ZBTB8A: variants seen among roughly 807,000 people sequenced by gnomAD.
The protein encoded by ZBTB8A is zinc finger and BTB domain containing 8A, also known as zinc finger and BTB domain-containing protein 8A.
A neutral mutation model predicts 37.8 loss-of-function variants in ZBTB8A; 19 were observed. The ratio of observed to expected loss-of-function variants is 0.50; its 90% CI spans 0.35 to 0.74. ZBTB8A has a LOEUF of 0.74. Ranked by LOEUF, ZBTB8A falls within the 30% of genes least tolerant of loss-of-function variation. The pLI, the probability that ZBTB8A is intolerant of heterozygous loss-of-function variation, is 0.01. For missense variants in ZBTB8A, 394 were observed against 537.8 expected, an observed-to-expected ratio of 0.73 and a Z score of 2.65; for synonymous variants, 181 against 185.2, an observed-to-expected ratio of 0.98 and a Z score of 0.19.
intron 1 of ZBTB8A, among the ~76,000 whole-genome samples, chr1:32,550,162 A>C (rs1644140188): frequency 6.6e-6 from 1 of 151,970 alleles, no homozygotes; most frequent in South Asian, 2.1e-4. Flanking sequence ...GTTCAAGACC[A>C]GCCTGGGCAA....
intron 2 of ZBTB8A, among the ~76,000 whole-genome samples, chr1:32,574,059 A>G (rs1337278470): frequency 6.6e-6 from 1 of 151,926 alleles, no homozygotes; most frequent in African/African-American, 2.4e-5. Context: ...CTGGGCAACA[A>G]GAGCGAAAAC....
intron 4 of ZBTB8A, among the ~76,000 whole-genome samples, chr1:32,599,114 A>G (rs752882429): frequency 6.6e-5 from 10 of 152,148 alleles, no homozygotes; most frequent in Non-Finnish European, 1.3e-4. Flanking sequence ...TAAAATATTA[A>G]TAAATTTAAA....
intron 2 of ZBTB8A, among the ~76,000 whole-genome samples, chr1:32,563,922 G>GAGACAAAACATTAAA (rs1644261879): frequency 2.0e-5 from 3 of 152,068 alleles, no homozygotes; most frequent in Non-Finnish European, 4.4e-5. Context: ...AAGAGGATGG[G>GAGACAAAACATTAAA]GAGTACATCT....
intron 2 of ZBTB8A, among the ~76,000 whole-genome samples, chr1:32,592,492 T>C (rs1407237987): frequency 6.6e-6 from 1 of 151,394 alleles, no homozygotes; most frequent in Non-Finnish European, 1.5e-5. Context: ...GTGAGCTTTT[T>C]TTGTTTGTTT....
chr1:32,555,645 A>G lies in ZBTB8A; in HGVS notation c.-2+2105A>G, dbSNP rs540934086. 2.0e-5 allele frequency among the ~76,000 whole-genome samples: 3 copies of G among 152,086 alleles called. No homozygotes were observed. In the South Asian group the frequency reaches 6.2e-4, roughly 31 times the overall value. On this transcript the variant is annotated intron_variant, in intron 2 of 4. Transcript: ENST00000373510. ...ATCCTCCAGGTTCCCCTCTCAGCCC[A>G]TGCTTCCTCTGAGCCCCTTCATTTC...
chr1:32,592,147 A>T (rs1644495028), intron 2 of ZBTB8A, among the ~76,000 whole-genome samples: 1 of 152,090 alleles, frequency 6.6e-6, no homozygotes, highest in African/African-American at 2.4e-5. Context: ...GGCTGATAAC[A>T]GTCTAGTATT....
intron 2 of ZBTB8A, among the ~76,000 whole-genome samples, chr1:32,562,238 G>A (rs1429921210): frequency 6.6e-6 from 1 of 151,266 alleles, no homozygotes; most frequent in African/African-American, 2.4e-5. Flanking sequence ...GTATAGGCAT[G>A]AGCCACCCTG....
At position 32,553,873 on chromosome 1, in the gene ZBTB8A, C is replaced by G. The variant is rs374289031; in HGVS notation, c.-2+333C>G. ...TGCACTCCAGCCTGGGCAACAAGAG[C>G]GAAACTCTGTCTCAAAAAAAAAAAA... On this transcript the variant is annotated intron_variant, in intron 2 of 4. Coordinates refer to ENST00000373510, the MANE Select transcript of ZBTB8A (RefSeq NM_001040441.3). Among the ~76,000 whole-genome samples, 17 of 94,528 alleles carry G rather than the reference C, an allele frequency of 1.8e-4. No individual in the cohort carries two copies. In the East Asian group the frequency reaches 3.8e-3, roughly 21 times the overall value. The allele number at this position is 94,528 out of a possible 152,430, so 62.0% of individuals were successfully genotyped here. A position where few individuals can be genotyped will look rare whatever the true frequency, so the allele number is the denominator to read the frequency against.
At chr1:32,554,057 G>A (rs1462201038) in intron 2 of ZBTB8A, among the ~76,000 whole-genome samples, 5 of 151,538 alleles carry the variant, frequency 3.3e-5, no homozygotes, top group East Asian at 1.9e-4. Context: ...AAAATTAGCC[G>A]GGCGTGGTGC....
chr1:32,570,243 G>T (rs560543869), intron 2 of ZBTB8A, among the ~76,000 whole-genome samples: 1 of 152,144 alleles, frequency 6.6e-6, no homozygotes, highest in African/African-American at 2.4e-5. Context: ...ATATATTCAT[G>T]TGTCTATTTC....
At chr1:32,599,041 A>G (rs1026342099) in intron 4 of ZBTB8A, among the ~76,000 whole-genome samples, 8 of 152,218 alleles carry the variant, frequency 5.3e-5, no homozygotes, top group African/African-American at 1.9e-4. Context: ...AACCCTTCCA[A>G]TCCCTGTGGT....
intron 2 of ZBTB8A, among the ~76,000 whole-genome samples, chr1:32,576,334 T>G (rs1481395235): frequency 6.6e-6 from 1 of 152,224 alleles, no homozygotes; most frequent in Non-Finnish European, 1.5e-5. Flanking sequence ...TTTTTCCCTT[T>G]TTCTTCAAAT....
At chr1:32,544,563 G>T (rs929357028) in intron 1 of ZBTB8A, among the ~76,000 whole-genome samples, 1 of 152,216 alleles carries the variant, frequency 6.6e-6, no homozygotes, top group Non-Finnish European at 1.5e-5. Context: ...CAGGCATGGC[G>T]GTGGGTGCCT....
In ZBTB8A at chr1:32,601,523, T is replaced by G. The variant is rs1644576164; in HGVS notation, c.*1104T>G. On this transcript the variant is annotated 3_prime_UTR_variant, in exon 5 of 5. Coordinates refer to ENST00000373510, the MANE Select transcript of ZBTB8A (RefSeq NM_001040441.3). ...GGAGGTTCTTACCATATGTGAGTGATTTCTAACGTTTATGTAGTGCTATAT... is the reference window on the plus strand; with the variant it reads ...GGAGGTTCTTACCATATGTGAGTGAGTTCTAACGTTTATGTAGTGCTATAT... The G allele has an allele frequency of 2.5e-6, 1 of 397,934 alleles. No individual in the cohort carries two copies. Among genetic ancestry groups the G allele is most frequent in the Admixed American group, 4.4e-5 (1 of 22,678 alleles). 24.7% of individuals were successfully genotyped at this position (397,934 alleles called of 1,614,324 possible).
chr1:32,549,948 T>A (rs1180086361), intron 1 of ZBTB8A, among the ~76,000 whole-genome samples: 1 of 152,218 alleles, frequency 6.6e-6, no homozygotes, highest in East Asian at 1.9e-4. Flanking sequence ...TCCCACCTCA[T>A]TTCTGCCTTC....
intron 2 of ZBTB8A, among the ~76,000 whole-genome samples, chr1:32,556,688 C>T (rs1644205331): frequency 6.6e-6 from 1 of 152,094 alleles, no homozygotes; most frequent in East Asian, 2.0e-4. Context: ...ACAGTTCCAG[C>T]CAACATAGTG....
chr1:32,588,562 A>T lies in ZBTB8A; in HGVS notation c.-1-4369A>T, dbSNP rs780460750. 3.3e-5 allele frequency among the ~76,000 whole-genome samples: 5 copies of T among 152,062 alleles called. 1 individual carries two copies. The highest frequency in any genetic ancestry group is 4.8e-5 in the African/African-American group (2 of 41,340). Reference sequence around the variant, plus strand: ...AGCCGGTGAGGTAGGAGAGCCATGAAGGGGTAGTGTCCTGGTGGTCAAATG... The same window carrying T: ...AGCCGGTGAGGTAGGAGAGCCATGATGGGGTAGTGTCCTGGTGGTCAAATG... On this transcript the variant is annotated intron_variant, in intron 2 of 4. Coordinates refer to ENST00000373510, the MANE Select transcript of ZBTB8A (RefSeq NM_001040441.3).
In ZBTB8A at chr1:32,593,648, T is replaced by C. The variant is rs199759619; in HGVS notation, c.717T>C (p.His239=). Residue 239 remains histidine, a synonymous_variant, in exon 3 of 5, where the codon CAT becomes CAC. Transcript: ENST00000373510. ...REVRTSDSSS[H]VSQSEEQAQI... ...TACGAACATCTGATTCTTCCAGCCA[T>C]GTTTCCCAGTCTGAAGAACAAGCAC... is the stretch of plus-strand genomic sequence containing the variant. 1.2e-6 allele frequency: 2 copies of C among 1,614,172 alleles called. No homozygotes were observed. Among genetic ancestry groups the C allele is most frequent in the South Asian group, 2.2e-5 (2 of 91,082 alleles).
At chr1:32,552,381 C>T (rs1644163337) in intron 1 of ZBTB8A, among the ~76,000 whole-genome samples, 1 of 152,040 alleles carries the variant, frequency 6.6e-6, no homozygotes, top group Non-Finnish European at 1.5e-5. Context: ...ACCAAATGGC[C>T]AGGCGTGGTG....
Sources: gnomAD v4.1 joint callset for allele counts (sites outside exome capture counted in the v4.1 genomes callset) on GRCh38, gnomAD v4.1.1 for gene constraint, MANE v1.5 for transcripts, NCBI Gene and HGNC (gene_info 2026-07-23, HGNC 2026-07-21) for gene names.